RUNX1: variants seen among roughly 807,000 people sequenced by gnomAD.
The protein encoded by RUNX1 is RUNX family transcription factor 1.
In RUNX1, 19 loss-of-function variants were observed where a neutral mutation model predicts 42.8. The observed-to-expected ratio is 0.44, with a 90% CI of 0.31 to 0.65. RUNX1 has a LOEUF of 0.65. RUNX1 is among the 30% of genes least tolerant of loss of function. The probability of loss-of-function intolerance (pLI) is 0.07; values close to 1 mark genes in which losing one functional copy is unlikely to be tolerated. For missense variants in RUNX1, 528 were observed against 672.0 expected (o/e 0.79, Z 2.37); for synonymous variants, 271 against 289.4 (o/e 0.94, Z 0.64).
intron 2 of RUNX1, among the ~76,000 whole-genome samples, chr21:35,014,411 T>C (rs1400557379): frequency 6.6e-6 from 1 of 152,204 alleles, no homozygotes; most frequent in Non-Finnish European, 1.5e-5. Flanking sequence ...ATCTGGTGAC[T>C]TTCCTTCTAG....
At chr21:34,881,049 CCATAGTAGGTCA>C (rs2057897292) in intron 4 of RUNX1, among the ~76,000 whole-genome samples, 2 of 152,068 alleles carry the variant, frequency 1.3e-5, no homozygotes, top group Non-Finnish European at 2.9e-5. Flanking sequence ...CCTCATAAAG[CCATAGTAGGTCA>C]CATAGCACAG....
chr21:34,804,019 G>A (rs2056644967), intron 7 of RUNX1, among the ~76,000 whole-genome samples: 1 of 152,176 alleles, frequency 6.6e-6, no homozygotes, highest in African/African-American at 2.4e-5. Context: ...GAAAATCCAT[G>A]ACTTTTCTTA....
At position 34,789,174 on chromosome 21, in the gene RUNX1, T is replaced by C. The variant is rs926099302; in HGVS notation, c.*2961A>G. The C allele has an allele frequency of 3.0e-5, 7 of 233,264 alleles. No homozygotes were observed. Among genetic ancestry groups the C allele is most frequent in the Admixed American group, 5.6e-5 (1 of 17,772 alleles). The allele number at this position is 233,264 out of a possible 1,614,324, so 14.4% of individuals were successfully genotyped here. Reference sequence around the variant, plus strand: ...AAACAGGAGAAAGGCTGACAAACCATGTTCCTTTATGTGAAGGGGGAAGAA... The same window carrying C: ...AAACAGGAGAAAGGCTGACAAACCACGTTCCTTTATGTGAAGGGGGAAGAA... On this transcript the variant is annotated 3_prime_UTR_variant, in exon 9 of 9. Transcript: ENST00000675419.
rs56957776 is a variant in RUNX1, at chr21:34,823,430, G to GTTTTTTTTTTT, written c.805+10969_805+10979dup. On this transcript the variant is annotated intron_variant, in intron 7 of 8. Coordinates refer to ENST00000675419, the MANE Select transcript of RUNX1 (RefSeq NM_001754.5). The stretch of plus-strand genomic sequence containing the variant: ...TAAGCACCATTTCCATTCCTGGTGG[G>GTTTTTTTTTTT]TTTTTTTTTTTTTTTTTTTTTTTTT... 8.1e-4 allele frequency among the ~76,000 whole-genome samples: 81 copies of GTTTTTTTTTTT among 99,656 alleles called. 11 individuals carry two copies. Among genetic ancestry groups the GTTTTTTTTTTT allele is most frequent in the Middle Eastern group, 5.3e-3 (1 of 190 alleles). 65.4% of individuals were successfully genotyped at this position (99,656 alleles called of 152,430 possible). A position where few individuals can be genotyped will look rare whatever the true frequency, so the allele number is the denominator to read the frequency against.
chr21:34,992,528 T>C (rs8127333), intron 2 of RUNX1, among the ~76,000 whole-genome samples: 29,180 of 151,940 alleles, frequency 0.19, 3,417 homozygotes, highest in African/African-American at 0.32. Flanking sequence ...TCTGTCTCCA[T>C]GGAATTAACA....
At chr21:34,815,475 C>A (rs1034662002) in intron 7 of RUNX1, among the ~76,000 whole-genome samples, 1 of 152,172 alleles carries the variant, frequency 6.6e-6, no homozygotes, top group African/African-American at 2.4e-5. Flanking sequence ...GGTCCTGAAG[C>A]CCCCGCCATA....
At position 34,919,480 on chromosome 21, in the gene RUNX1, G is replaced by C. The variant is rs139474629; in HGVS notation, c.59-26517C>G. Reference sequence around the variant, plus strand: ...ATAACTATATCGATTTTGCATGGAAGCTCCTGCTCTCTGTGGGTTTGACCA... The same window carrying C: ...ATAACTATATCGATTTTGCATGGAACCTCCTGCTCTCTGTGGGTTTGACCA... On this transcript the variant is annotated intron_variant, in intron 2 of 8. Coordinates refer to ENST00000675419, the MANE Select transcript of RUNX1 (RefSeq NM_001754.5). 2.4e-3 allele frequency among the ~76,000 whole-genome samples: 361 copies of C among 152,274 alleles called. 1 individual carries two copies. Among genetic ancestry groups the C allele is most frequent in the Non-Finnish European group, 3.6e-3 (246 of 68,018 alleles).
In RUNX1 at chr21:34,948,738, C is replaced by CTT. The variant is rs10669551; in HGVS notation, c.59-55777_59-55776dup. Reference sequence around the variant, plus strand: ...CTAAACAAGGGGATGTGCAGAATTTCTTTCTTTTTTTTCCTTTTTCTTTTG... The same window carrying CTT: ...CTAAACAAGGGGATGTGCAGAATTTCTTTTTCTTTTTTTTCCTTTTTCTTTTG... On this transcript the variant is annotated intron_variant, in intron 2 of 8. Coordinates refer to ENST00000675419, the MANE Select transcript of RUNX1 (RefSeq NM_001754.5). Among the ~76,000 whole-genome samples the CTT allele has an allele frequency of 7.9e-3, 1,209 of 152,198 alleles. 15 individuals carry two copies. The highest frequency in any genetic ancestry group is 0.023 in the African/African-American group (956 of 41,508).
chr21:34,800,959 C>G (rs140502547), intron 7 of RUNX1, among the ~76,000 whole-genome samples: 2 of 151,942 alleles, frequency 1.3e-5, no homozygotes, highest in African/African-American at 4.8e-5. Flanking sequence ...GGAGCTGGTC[C>G]ATTTTAAACT....
intron 2 of RUNX1, among the ~76,000 whole-genome samples, chr21:34,997,606 G>A (rs917635631): frequency 6.6e-6 from 1 of 152,218 alleles, no homozygotes; most frequent in African/African-American, 2.4e-5. Context: ...TGATAGAACT[G>A]TTGCTTATTT....
intron 2 of RUNX1, among the ~76,000 whole-genome samples, chr21:35,039,539 C>T (rs1193598772): frequency 3.9e-5 from 6 of 152,124 alleles, no homozygotes; most frequent in Non-Finnish European, 7.4e-5. Context: ...TGACACAGCA[C>T]ATAAAACTTA....
rs763464804 is a variant in RUNX1, at chr21:34,880,602, C to G, written c.463G>C (p.Val155Leu). 7 of 1,614,106 alleles carry G rather than the reference C, an allele frequency of 4.3e-6. No homozygotes were observed. In the South Asian group the frequency reaches 7.7e-5, roughly 18 times the overall value. The change falls in exon 5 of 9, where the codon GTT becomes CTT. Residue 155 changes from valine (V) to leucine (L), a missense_variant. By Grantham distance (32) the Val-to-Leu change is conservative. This residue lies in a region of RUNX1 where 83 missense variants were observed against 174.5 expected (regional missense o/e 0.48). Transcript: ENST00000675419. ...AACCTGAGGTCATTAAATCTTGCAACCTGGTTCTTCATGGCTGCGGTAGCA... is the reference window on the plus strand; with the variant it reads ...AACCTGAGGTCATTAAATCTTGCAAGCTGGTTCTTCATGGCTGCGGTAGCA... ...RNATAAMKNQVARFNDLRFVG... is the reference protein window; with the variant it reads ...RNATAAMKNQLARFNDLRFVG...
At chr21:34,879,359 T>A (rs1161616783) in intron 5 of RUNX1, among the ~76,000 whole-genome samples, 1 of 152,210 alleles carries the variant, frequency 6.6e-6, no homozygotes, top group Non-Finnish European at 1.5e-5. Context: ...ATAAATTTTT[T>A]ATTTTCTCCA....
At chr21:34,928,881 T>C (rs1196268072) in intron 2 of RUNX1, among the ~76,000 whole-genome samples, 1 of 148,272 alleles carries the variant, frequency 6.7e-6, no homozygotes, top group Non-Finnish European at 1.5e-5. Flanking sequence ...AAAAGAACAG[T>C]CTCCACACAA....
intron 7 of RUNX1, among the ~76,000 whole-genome samples, chr21:34,831,880 C>A (rs1035802477): frequency 2.0e-5 from 3 of 151,990 alleles, no homozygotes; most frequent in African/African-American, 4.8e-5. Flanking sequence ...ACATGATTAG[C>A]GTAAAACAGC....
chr21:34,968,059 G>T (rs2058734176), intron 2 of RUNX1, among the ~76,000 whole-genome samples: 1 of 152,206 alleles, frequency 6.6e-6, no homozygotes, highest in Admixed American at 6.5e-5. Flanking sequence ...GCCCGATCCA[G>T]CTTCCTGCAA....
intron 7 of RUNX1, among the ~76,000 whole-genome samples, chr21:34,826,439 T>TC (rs1458058477): frequency 7.2e-6 from 1 of 139,796 alleles, no homozygotes; most frequent in Non-Finnish European, 1.6e-5. Flanking sequence ...TCTTTCTTTT[T>TC]TTTTTTTTTT....
At chr21:34,970,997 C>T (rs1462209080) in intron 2 of RUNX1, among the ~76,000 whole-genome samples, 5 of 152,136 alleles carry the variant, frequency 3.3e-5, no homozygotes, top group Admixed American at 2.0e-4. Flanking sequence ...CCATTTGATC[C>T]TCATAAACTT....
chr21:35,047,561 A>ACACACACT (rs1428982623), intron 2 of RUNX1, among the ~76,000 whole-genome samples: 11 of 46,810 alleles, frequency 2.3e-4, no homozygotes, highest in Non-Finnish European at 4.6e-4. Flanking sequence ...ACACACACAC[A>ACACACACT]CTCTCTCTCT....
Sources: allele counts gnomAD v4.1 joint callset (sites outside exome capture counted in the v4.1 genomes callset), GRCh38; gene constraint gnomAD v4.1.1; regional missense constraint gnomAD v4.1.1; transcripts MANE v1.5; gene names NCBI Gene and HGNC (gene_info 2026-07-23, HGNC 2026-07-21).